The following ADAMTS2 variants were observed in gnomAD, a reference collection of about 807,000 sequenced individuals.
ADAMTS2 encodes the protein A disintegrin and metalloproteinase with thrombospondin motifs 2.
A neutral mutation model predicts 123.0 loss-of-function variants in ADAMTS2; 50 were observed. That is an observed-to-expected ratio of 0.41 (90% confidence interval 0.32 to 0.51). The LOEUF is 0.51. Ranked by LOEUF, ADAMTS2 falls within the 20% of genes least tolerant of loss-of-function variation. The pLI is 0.35. For missense variants in ADAMTS2, 1,494 were observed against 1,705.2 expected (o/e 0.88, Z 2.18); for synonymous variants, 678 against 695.4 (o/e 0.98, Z 0.39).
At chr5:179,119,256 C>A (rs1762713555) in intron 21 of ADAMTS2, among the ~76,000 whole-genome samples, 1 of 152,200 alleles carries the variant, frequency 6.6e-6, no homozygotes, top group Non-Finnish European at 1.5e-5. Context: ...ATGATCTGAG[C>A]TCTGGGCAGG....
chr5:179,226,247 TCTTTCTTC>T (rs1765281442), intron 3 of ADAMTS2, among the ~76,000 whole-genome samples: 1 of 95,036 alleles, frequency 1.1e-5, no homozygotes, highest in Non-Finnish European at 2.9e-5. Context: ...TTCCTTTCTT[TCTTTCTTC>T]TCTTTCTTCT....
rs955613749 is a variant in ADAMTS2 at position 179,175,510 on chromosome 5, G to T, written c.975+5562C>A. The stretch of plus-strand genomic sequence containing the variant: ...TCCAATGGGTCCATTGTCTTGTCAG[G>T]ACTATTCCAGGTATTCTACATTTTT... On this transcript the variant is annotated intron_variant, in intron 5 of 21. Coordinates refer to ENST00000251582, the MANE Select transcript of ADAMTS2 (RefSeq NM_014244.5). This position sits in a 1 kb window ranked among gnomAD's most constrained non-coding sequence, Gnocchi z 4.1. 6.6e-6 allele frequency among the ~76,000 whole-genome samples: 1 copy of T among 152,154 alleles called. No individual in the cohort carries two copies. Among genetic ancestry groups the T allele is most frequent in the African/African-American group, 2.4e-5 (1 of 41,440 alleles).
intron 3 of ADAMTS2, among the ~76,000 whole-genome samples, chr5:179,217,823 A>G (rs1765026060): frequency 1.4e-5 from 1 of 70,050 alleles, no homozygotes; most frequent in African/African-American, 7.6e-5. Flanking sequence ...TCACTAGGGG[A>G]TGGCCTGAGG....
Position 179,262,383 on chromosome 5 carries a change from G to A in ADAMTS2, c.688+10528C>T, listed in dbSNP as rs924004374. 6.6e-6 allele frequency among the ~76,000 whole-genome samples: 1 copy of A among 151,628 alleles called. No individual in the cohort carries two copies. The highest frequency in any genetic ancestry group is 2.4e-5 in the African/African-American group (1 of 41,204). ...TGCCTCCACCGCCATCTGTCACCGGGACTCCTCCCTGCTTCCACACCGTCC... is the reference window on the plus strand; with the variant it reads ...TGCCTCCACCGCCATCTGTCACCGGAACTCCTCCCTGCTTCCACACCGTCC... On this transcript the variant is annotated intron_variant, in intron 3 of 21. Coordinates refer to ENST00000251582, the MANE Select transcript of ADAMTS2 (RefSeq NM_014244.5). The surrounding 1 kb of genome is among the most constrained non-coding windows in gnomAD (Gnocchi z 5.9).
rs1439551016 is a variant in ADAMTS2, at chr5:179,189,517, T to G, written c.892-8362A>C. On this transcript the variant is annotated intron_variant, in intron 4 of 21. Transcript: ENST00000251582. This position sits in a 1 kb window ranked among gnomAD's most constrained non-coding sequence, Gnocchi z 4.2. ...CGCCCGCCAGTGCGCCTGGTTTTTT[T>G]TTTTTTTTTTTTTTTTTTTTTAGTA... Among the ~76,000 whole-genome samples, 1 of 137,366 alleles carries G rather than the reference T, an allele frequency of 7.3e-6. No individual in the cohort carries two copies. The highest frequency in any genetic ancestry group is 1.6e-5 in the Non-Finnish European group (1 of 63,636). 90.1% of individuals were successfully genotyped at this position (137,366 alleles called of 152,430 possible). A position where few individuals can be genotyped will look rare whatever the true frequency, so the allele number is the denominator to read the frequency against.
intron 3 of ADAMTS2, among the ~76,000 whole-genome samples, chr5:179,240,964 C>T (rs147660894): frequency 4.9e-4 from 74 of 152,334 alleles, no homozygotes; most frequent in African/African-American, 1.7e-3. Flanking sequence ...CTTGGCTTAA[C>T]TTACAAGGGA....
intron 4 of ADAMTS2, among the ~76,000 whole-genome samples, chr5:179,200,816 G>A (rs747988746): frequency 9.2e-5 from 14 of 151,992 alleles, no homozygotes; most frequent in Admixed American, 2.6e-4. Flanking sequence ...TATCCCAGGC[G>A]GAATAAAACA....
intron 17 of ADAMTS2, among the ~76,000 whole-genome samples, chr5:179,126,370 G>C (rs759716657): frequency 6.6e-6 from 1 of 152,194 alleles, no homozygotes; most frequent in African/African-American, 2.4e-5. Flanking sequence ...CTCCCTCACT[G>C]GGCTCCTGGG....
chr5:179,319,871 G>T (rs147699851), intron 2 of ADAMTS2, among the ~76,000 whole-genome samples: 1 of 152,100 alleles, frequency 6.6e-6, no homozygotes, highest in South Asian at 2.1e-4. Context: ...TGGTCAGCAC[G>T]TTCACACCCA....
intron 2 of ADAMTS2, among the ~76,000 whole-genome samples, chr5:179,322,777 T>C (rs1757222058): frequency 6.6e-6 from 1 of 152,146 alleles, no homozygotes; most frequent in Non-Finnish European, 1.5e-5. Flanking sequence ...GAAAGAGGCC[T>C]CTCTGGGCTG....
chr5:179,322,329 A>T (rs1757206849), intron 2 of ADAMTS2, among the ~76,000 whole-genome samples: 3 of 152,214 alleles, frequency 2.0e-5, no homozygotes, highest in Admixed American at 6.5e-5. Context: ...TCTTTGAATC[A>T]GTCCTCACGG....
Position 179,136,538 on chromosome 5 carries a change from G to A in ADAMTS2, c.1952-496C>T, listed in dbSNP as rs528244763. 2.0e-3 allele frequency among the ~76,000 whole-genome samples: 310 copies of A among 151,772 alleles called. 1 individual carries two copies. Among genetic ancestry groups the A allele is most frequent in the African/African-American group, 6.9e-3 (287 of 41,358 alleles). ...AAATTAGCTGGGTGTGGTGGTGAGC[G>A]CCTGTAATCCCAGATACTTGGGAGG... On this transcript the variant is annotated intron_variant, in intron 12 of 21. Transcript: ENST00000251582.
intron 3 of ADAMTS2, among the ~76,000 whole-genome samples, chr5:179,235,269 C>T (rs1765498027): frequency 6.6e-6 from 1 of 152,228 alleles, no homozygotes; most frequent in African/African-American, 2.4e-5. Context: ...CTCTGGGTCA[C>T]CTGCCTTGGC....
intron 4 of ADAMTS2, among the ~76,000 whole-genome samples, chr5:179,200,335 G>A (rs560119671): frequency 8.4e-4 from 110 of 130,760 alleles, no homozygotes; most frequent in African/African-American, 2.7e-3. Flanking sequence ...CGCAACCTCC[G>A]CCTCCCAGGT....
intron 4 of ADAMTS2, among the ~76,000 whole-genome samples, chr5:179,192,980 G>A (rs1764341428): frequency 6.6e-6 from 1 of 152,188 alleles, no homozygotes; most frequent in Non-Finnish European, 1.5e-5. Context: ...CACCCCAGCG[G>A]GCTCCCAGGG....
At position 179,228,753 on chromosome 5, in the gene ADAMTS2, G is replaced by T. The variant is rs1765343931; in HGVS notation, c.689-21038C>A. On this transcript the variant is annotated intron_variant, in intron 3 of 21. Coordinates refer to ENST00000251582, the MANE Select transcript of ADAMTS2 (RefSeq NM_014244.5). This position sits in a 1 kb window ranked among gnomAD's most constrained non-coding sequence, Gnocchi z 5.2. ...TGCGGAGCATCTGGGGAAGGCTCCT[G>T]TGGGGCTCCAGACCCGGGGCGGTGC... Among the ~76,000 whole-genome samples, 1 of 152,242 alleles carries T rather than the reference G, an allele frequency of 6.6e-6. No individual in the cohort carries two copies. The highest frequency in any genetic ancestry group is 1.5e-5 in the Non-Finnish European group (1 of 68,048).
In ADAMTS2 at chr5:179,181,122, C is replaced by T. The variant is rs2113312070; in HGVS notation, c.925G>A (p.Ala309Thr). ...NEIYHDESLG[A>T]HINVVLVRII... ...CGCACCAGGACCACGTTGATGTGGG[C>T]ACCCAAGGACTCGTCATGGTAGATT... The change falls in exon 5 of 22, where the codon GCC becomes ACC. Residue 309 changes from alanine to threonine, a missense_variant. Around this residue, in one of 6 missense-constraint regions of ADAMTS2, gnomAD observed 70 missense variants for 85.3 expected, o/e 0.82. Coordinates refer to ENST00000251582, the MANE Select transcript of ADAMTS2 (RefSeq NM_014244.5). The surrounding 1 kb of genome is among the most constrained non-coding windows in gnomAD (Gnocchi z 4.1). 6.2e-7 allele frequency: 1 copy of T among 1,613,986 alleles called. No homozygotes were observed. Among genetic ancestry groups the T allele is most frequent in the East Asian group, 2.2e-5 (1 of 44,862 alleles).
chr5:179,199,249 G>C (rs749772595), intron 4 of ADAMTS2, among the ~76,000 whole-genome samples: 3 of 152,176 alleles, frequency 2.0e-5, no homozygotes, highest in African/African-American at 7.2e-5. Flanking sequence ...AAGGCTCCTG[G>C]GGCAATGCAG....
At chr5:179,326,105 G>T (rs1240067443) in intron 2 of ADAMTS2, among the ~76,000 whole-genome samples, 1 of 152,226 alleles carries the variant, frequency 6.6e-6, no homozygotes, top group African/African-American at 2.4e-5. Flanking sequence ...CCCGCCACGA[G>T]ACTCTTCTCC....
Sources: gnomAD v4.1 joint callset for allele counts (sites outside exome capture counted in the v4.1 genomes callset) on GRCh38, gnomAD v4.1.1 for gene constraint, gnomAD v4.1.1 regional missense constraint, Gnocchi (gnomAD v3.1) non-coding constraint, MANE v1.5 for transcripts, NCBI Gene and HGNC (gene_info 2026-07-23, HGNC 2026-07-21) for gene names.